INTS4: variants seen among roughly 807,000 people sequenced by gnomAD.
INTS4 encodes integrator complex subunit 4.
A neutral mutation model predicts 119.5 loss-of-function variants in INTS4; 70 were observed. That is an observed-to-expected ratio of 0.59 (90% CI 0.48 to 0.71). The LOEUF (loss-of-function observed/expected upper bound fraction) is 0.71. INTS4 is among the 30% of genes least tolerant of loss of function. INTS4 has a pLI of 0.00. For missense variants in INTS4, 867 were observed against 1,173.2 expected, an observed-to-expected ratio of 0.74 and a Z score of 3.81; for synonymous variants, 316 against 419.6, an observed-to-expected ratio of 0.75 and a Z score of 3.02.
intron 8 of INTS4, among the ~76,000 whole-genome samples, chr11:77,941,469 T>TTC (rs1029100325): frequency 6.6e-6 from 1 of 151,014 alleles, no homozygotes; most frequent in Non-Finnish European, 1.5e-5. Flanking sequence ...TTTTTTTTTT[T>TTC]TTTTCTTTCC....
At chr11:77,909,440 T>C (rs1020903683) in intron 15 of INTS4, among the ~76,000 whole-genome samples, 2 of 152,244 alleles carry the variant, frequency 1.3e-5, no homozygotes, top group East Asian at 1.9e-4. Flanking sequence ...CATTTCCTCA[T>C]AGGTTGCACC....
chr11:77,906,795 T>C (rs1282885832), intron 16 of INTS4, among the ~76,000 whole-genome samples: 1 of 152,218 alleles, frequency 6.6e-6, no homozygotes, highest in Non-Finnish European at 1.5e-5. Flanking sequence ...CAAACATCAT[T>C]AATCACTTTG....
chr11:77,971,948 G>C (rs1214387507), intron 4 of INTS4, among the ~76,000 whole-genome samples: 2 of 152,182 alleles, frequency 1.3e-5, no homozygotes, highest in Non-Finnish European at 2.9e-5. Flanking sequence ...TGCATGGTGT[G>C]AGGTAAGTTT....
intron 4 of INTS4, among the ~76,000 whole-genome samples, chr11:77,965,773 G>C (rs570534320): frequency 1.3e-4 from 20 of 152,244 alleles, no homozygotes; most frequent in African/African-American, 4.6e-4. Context: ...TGTGAATACT[G>C]CTGCAATCAA....
intron 18 of INTS4, among the ~76,000 whole-genome samples, chr11:77,899,282 T>G (rs1952670740): frequency 8.3e-6 from 1 of 119,870 alleles, no homozygotes; most frequent in Non-Finnish European, 1.8e-5. Context: ...GAGTTTAGAA[T>G]TAGGGTGCAT....
intron 11 of INTS4, among the ~76,000 whole-genome samples, chr11:77,926,743 T>C (rs1443011672): frequency 3.7e-5 from 5 of 135,248 alleles, no homozygotes; most frequent in Non-Finnish European, 7.8e-5. Context: ...ACCCAGGAGG[T>C]GAAGGTTGCA....
At chr11:77,910,000 G>A (rs1339801141) in intron 15 of INTS4, among the ~76,000 whole-genome samples, 1 of 152,098 alleles carries the variant, frequency 6.6e-6, no homozygotes, top group Admixed American at 6.5e-5. Context: ...TGGTGGGACT[G>A]TAAACTAGTT....
intron 10 of INTS4, among the ~76,000 whole-genome samples, chr11:77,933,022 G>A (rs1180327534): frequency 1.3e-5 from 2 of 151,706 alleles, no homozygotes; most frequent in African/African-American, 2.4e-5. Flanking sequence ...ATGGGTTGAC[G>A]GGTGCAGCAA....
chr11:77,901,585 AT>A (rs1244180342), intron 17 of INTS4, 34 bp from the exon 18 acceptor site: 3 of 1,513,680 alleles, frequency 2.0e-6, no homozygotes, highest in South Asian at 2.3e-5. Context: ...ATCAATAAAA[AT>A]ATCATAGTCT....
intron 10 of INTS4, among the ~76,000 whole-genome samples, chr11:77,931,753 T>A (rs1354205906): frequency 6.6e-6 from 1 of 151,984 alleles, no homozygotes; most frequent in Non-Finnish European, 1.5e-5. Flanking sequence ...TATAGACCAA[T>A]GGAACAGAAT....
At chr11:77,953,981 T>C (rs1232993046) in intron 8 of INTS4, among the ~76,000 whole-genome samples, 1 of 151,732 alleles carries the variant, frequency 6.6e-6, no homozygotes, top group Non-Finnish European at 1.5e-5. Flanking sequence ...GCCCAGCTAA[T>C]TTTTGTATTT....
chr11:77,876,033 G>A (rs368641115), downstream of INTS4, among the ~76,000 whole-genome samples: 8 of 152,278 alleles, frequency 5.3e-5, no homozygotes, highest in South Asian at 1.7e-3. Context: ...GAATGGTGTG[G>A]TCAGATCAGC....
chr11:77,933,303 G>C (rs867731086), intron 10 of INTS4, among the ~76,000 whole-genome samples: 2 of 151,450 alleles, frequency 1.3e-5, no homozygotes, highest in South Asian at 2.1e-4. Context: ...CCACCATCTC[G>C]GCTCACTGCA....
At chr11:77,877,913 A>C (rs1951643503), downstream of INTS4, among the ~76,000 whole-genome samples, 1 of 152,206 alleles carries the variant, frequency 6.6e-6, no homozygotes, top group South Asian at 2.1e-4. Context: ...ACTCACATGC[A>C]GCATCAACTC....
chr11:77,915,743 A>G (rs989606865), intron 15 of INTS4, among the ~76,000 whole-genome samples: 6 of 152,210 alleles, frequency 3.9e-5, no homozygotes, highest in Non-Finnish European at 7.3e-5. Context: ...TGGTATTCCT[A>G]TCTTCATCTA....
intron 21 of INTS4, among the ~76,000 whole-genome samples, chr11:77,886,808 T>C (rs1265578881): frequency 6.6e-6 from 1 of 151,998 alleles, no homozygotes; most frequent in African/African-American, 2.4e-5. Context: ...TCAAAACCGC[T>C]CAACTACATG....
chr11:77,964,531 G>A (rs1401016845), intron 4 of INTS4, among the ~76,000 whole-genome samples: 2 of 151,730 alleles, frequency 1.3e-5, no homozygotes, highest in Non-Finnish European at 2.9e-5. Flanking sequence ...CCGAGATCGC[G>A]CCACTGCACT....
downstream of INTS4, chr11:77,876,911 G>A (rs1426398951): frequency 1.4e-6 from 1 of 701,162 alleles, no homozygotes; most frequent in African/African-American, 1.7e-5. Context: ...AGCACGATGG[G>A]CTCAGGCAGC....
intron 12 of INTS4, chr11:77,922,886 G>C (rs1953397421): frequency 3.6e-6 from 1 of 280,388 alleles, no homozygotes; most frequent in East Asian, 1.1e-4. Flanking sequence ...GCCAGTTCTA[G>C]ACAATGGAGC....
Sources: gnomAD v4.1 joint callset for allele counts (sites outside exome capture counted in the v4.1 genomes callset) on GRCh38, gnomAD v4.1.1 for gene constraint, MANE v1.5 for transcripts, NCBI Gene and HGNC (gene_info 2026-07-23, HGNC 2026-07-21) for gene names.